Variants in ANO10 observed in about 807,000 individuals in gnomAD.
ANO10 encodes the protein anoctamin 10, also known as anoctamin-10.
Under a neutral mutation model 74.7 loss-of-function variants are expected in ANO10, and 77 were observed. The ratio of observed to expected loss-of-function variants is 1.03; its 90% confidence interval spans 0.86 to 1.25. The LOEUF is 1.25. Among genes scored for constraint, ANO10 ranks in the 50% most tolerant of loss-of-function variants. ANO10 has a pLI of 0.00. For missense variants in ANO10, 721 were observed against 778.1 expected (o/e 0.93, Z 0.87); for synonymous variants, 279 against 284.9 (o/e 0.98, Z 0.21).
chr3:43,634,691 C>A (rs570160384), intron 1 of ANO10, among the ~76,000 whole-genome samples: 6 of 152,146 alleles, frequency 3.9e-5, no homozygotes, highest in Non-Finnish European at 7.3e-5. Context: ...TGGTGACCAT[C>A]CTGGAAGACT....
chr3:43,691,078 G>A, intron 1 of ANO10: 1 of 1,512,924 alleles, frequency 6.6e-7, no homozygotes. Flanking sequence ...TGTCTCCGGC[G>A]CGCACCCTCC....
At chr3:43,658,680 G>A (rs1252153970) in intron 1 of ANO10, among the ~76,000 whole-genome samples, 1 of 152,070 alleles carries the variant, frequency 6.6e-6, no homozygotes, top group Non-Finnish European at 1.5e-5. Context: ...ACGTTGGCCA[G>A]GCTTGTCTTG....
chr3:43,536,431 T>C (rs1259797154), intron 11 of ANO10, among the ~76,000 whole-genome samples: 1 of 152,218 alleles, frequency 6.6e-6, no homozygotes, highest in African/African-American at 2.4e-5. Flanking sequence ...TTTGCATTTA[T>C]GGACATGACC....
chr3:43,528,643 G>T (rs971405180), intron 11 of ANO10, among the ~76,000 whole-genome samples: 4 of 151,814 alleles, frequency 2.6e-5, no homozygotes, highest in African/African-American at 9.7e-5. Context: ...AAAAATAAAA[G>T]AAAAATATGT....
At chr3:43,529,413 T>C (rs917209943) in intron 11 of ANO10, among the ~76,000 whole-genome samples, 1 of 152,166 alleles carries the variant, frequency 6.6e-6, no homozygotes, top group African/African-American at 2.4e-5. Flanking sequence ...TCTATACCAT[T>C]TGGGATTTTT....
chr3:43,408,514 T>G (rs981209870), intron 12 of ANO10, among the ~76,000 whole-genome samples: 1 of 152,176 alleles, frequency 6.6e-6, no homozygotes, highest in Non-Finnish European at 1.5e-5. Context: ...GCCTTACATT[T>G]TACTTACTGC....
intron 1 of ANO10, among the ~76,000 whole-genome samples, chr3:43,620,082 T>C (rs1036949943): frequency 3.9e-5 from 6 of 152,158 alleles, no homozygotes; most frequent in Non-Finnish European, 7.4e-5. Context: ...AAAGGCTTAG[T>C]ACAGCTCTCA....
chr3:43,651,450 T>C (rs1343010330), intron 1 of ANO10, among the ~76,000 whole-genome samples: 2 of 152,162 alleles, frequency 1.3e-5, no homozygotes, highest in Non-Finnish European at 2.9e-5. Context: ...GGGATGCTGT[T>C]CCCGTGGTAC....
chr3:43,366,816 G>T lies in ANO10; in HGVS notation c.*90C>A. On this transcript the variant is annotated 3_prime_UTR_variant, in exon 13 of 13. Transcript: ENST00000292246. ...CATTGGGTCTGGGTTCAGGAGCCAC[G>T]ATGCTGCCCCGGGTACCCCCCCTGC... 1.5e-6 allele frequency: 2 copies of T among 1,346,772 alleles called. No homozygotes were observed. Among genetic ancestry groups the T allele is most frequent in the East Asian group, 2.5e-5 (1 of 40,014 alleles). The allele number at this position is 1,346,772 out of a possible 1,614,324, so 83.4% of individuals were successfully genotyped here. A position where few individuals can be genotyped will look rare whatever the true frequency, so the allele number is the denominator to read the frequency against.
intron 11 of ANO10, among the ~76,000 whole-genome samples, chr3:43,490,264 G>A (rs1383427068): frequency 6.6e-6 from 1 of 152,132 alleles, no homozygotes; most frequent in Non-Finnish European, 1.5e-5. Flanking sequence ...CAAAAGTCTT[G>A]CATGGTGTGT....
intron 11 of ANO10, among the ~76,000 whole-genome samples, chr3:43,522,962 G>A (rs889806792): frequency 1.2e-4 from 19 of 152,132 alleles, no homozygotes; most frequent in African/African-American, 3.4e-4. Flanking sequence ...ATGTGCCCAC[G>A]TCCATACCCC....
chr3:43,590,890 TA>T (rs1443220368), intron 4 of ANO10, among the ~76,000 whole-genome samples: 3 of 152,180 alleles, frequency 2.0e-5, no homozygotes, highest in African/African-American at 7.2e-5. Context: ...CACCCACCTT[TA>T]AACATGGGGC....
Position 43,580,112 on chromosome 3 carries a change from T to C in ANO10, c.592+241A>G, listed in dbSNP as rs2081196050. On this transcript the variant is annotated intron_variant, in intron 5 of 12. Transcript: ENST00000292246. The stretch of plus-strand genomic sequence containing the variant: ...GTAAGCTGTGATCATCCCACTGCAC[T>C]CCAGCCTGTGACATAGTGAGACCCT... Among the ~76,000 whole-genome samples, 3 of 141,486 alleles carry C rather than the reference T, an allele frequency of 2.1e-5. No homozygotes were observed. In the South Asian group the frequency reaches 6.6e-4, roughly 31 times the overall value. 92.8% of individuals were successfully genotyped at this position (141,486 alleles called of 152,430 possible). A position where few individuals can be genotyped will look rare whatever the true frequency, so the allele number is the denominator to read the frequency against.
chr3:43,409,094 T>G (rs1331784098), intron 12 of ANO10, among the ~76,000 whole-genome samples: 1 of 152,152 alleles, frequency 6.6e-6, no homozygotes, highest in Non-Finnish European at 1.5e-5. Flanking sequence ...ACACCAATAT[T>G]TTCCTGCTTT....
intron 11 of ANO10, among the ~76,000 whole-genome samples, chr3:43,513,498 C>T (rs2077589101): frequency 6.6e-6 from 1 of 152,038 alleles, no homozygotes; most frequent in Non-Finnish European, 1.5e-5. Context: ...CACACACAAA[C>T]ACACACTTCT....
At chr3:43,428,627 T>C (rs1290507370) in intron 12 of ANO10, among the ~76,000 whole-genome samples, 3 of 152,118 alleles carry the variant, frequency 2.0e-5, no homozygotes, top group African/African-American at 7.2e-5. Context: ...AATCACCTTT[T>C]CTTACAAGGT....
rs575558923 is a variant in ANO10, at chr3:43,689,486, T to C, written c.-12+2031A>G. 1.7e-4 allele frequency: 26 copies of C among 152,298 alleles called. No individual in the cohort carries two copies. The East Asian group carries it at 3.9e-3, about 23-fold the overall frequency. 9.4% of individuals were successfully genotyped at this position (152,298 alleles called of 1,614,324 possible). On this transcript the variant is annotated intron_variant, in intron 1 of 3. Transcript: ENST00000413397. ...AAACAACCAGGAATTCCTGTAAAAA[T>C]GTTTTTTATATGTTCTGGTCTTCCC...
rs545035921 is a variant in ANO10, at chr3:43,583,842, T to C, written c.473-3370A>G. Among the ~76,000 whole-genome samples, 46 of 152,322 alleles carry C rather than the reference T, an allele frequency of 3.0e-4. 1 individual carries two copies. Among genetic ancestry groups the C allele is most frequent in the Admixed American group, 2.2e-3 (34 of 15,294 alleles). ...ACAGTATCTTTCTTAAAGAAAATGCTATCATAAGGTTCTAAAAGAATATCT... is the reference window on the plus strand; with the variant it reads ...ACAGTATCTTTCTTAAAGAAAATGCCATCATAAGGTTCTAAAAGAATATCT... On this transcript the variant is annotated intron_variant, in intron 4 of 12. Coordinates refer to ENST00000292246, the MANE Select transcript of ANO10 (RefSeq NM_018075.5).
At chr3:43,633,378 C>T (rs2083570535) in intron 1 of ANO10, among the ~76,000 whole-genome samples, 1 of 152,164 alleles carries the variant, frequency 6.6e-6, no homozygotes, top group Non-Finnish European at 1.5e-5. Context: ...AAACCTACAA[C>T]ATAATGACCA....
Sources: allele counts gnomAD v4.1 joint callset (sites outside exome capture counted in the v4.1 genomes callset), GRCh38; gene constraint gnomAD v4.1.1; transcripts MANE v1.5; gene names NCBI Gene and HGNC (gene_info 2026-07-23, HGNC 2026-07-21).